Variants in TNR observed in about 807,000 individuals in gnomAD.
TNR encodes the protein tenascin-R.
TNR carries 45 observed loss-of-function variants against 150.4 expected under a neutral mutation model. The observed-to-expected ratio is 0.30, with a 90% confidence interval of 0.24 to 0.38. The LOEUF is 0.38. TNR is among the 10% of genes least tolerant of loss of function. The pLI is 1.00. For missense variants in TNR, 1,544 were observed against 1,759.1 expected (o/e 0.88, Z 2.19); for synonymous variants, 687 against 678.4 (o/e 1.01, Z -0.20).
intron 18 of TNR, among the ~76,000 whole-genome samples, chr1:175,338,443 A>G (rs1364203689): frequency 6.6e-6 from 1 of 152,192 alleles, no homozygotes; most frequent in Non-Finnish European, 1.5e-5. Flanking sequence ...AATGCTGAGC[A>G]GGCAAGCCAA....
intron 2 of TNR, among the ~76,000 whole-genome samples, chr1:175,523,292 A>C (rs1659717952): frequency 6.6e-6 from 1 of 152,264 alleles, no homozygotes. Flanking sequence ...AATGTGAAAA[A>C]TAAAAATAAA....
intron 2 of TNR, among the ~76,000 whole-genome samples, chr1:175,502,957 A>G (rs58455365): frequency 0.013 from 1,947 of 148,390 alleles, 43 homozygotes; most frequent in African/African-American, 0.049. Flanking sequence ...CAATTATCCC[A>G]TAAATATTAG....
intron 1 of TNR, among the ~76,000 whole-genome samples, chr1:175,700,038 G>T (rs1231298962): frequency 6.6e-6 from 1 of 151,900 alleles, no homozygotes; most frequent in East Asian, 1.9e-4. Context: ...TGGGGAGGGA[G>T]TGGGTAAGGC....
chr1:175,436,227 G>A (rs932933941), intron 2 of TNR, among the ~76,000 whole-genome samples: 5 of 152,304 alleles, frequency 3.3e-5, no homozygotes, highest in African/African-American at 1.2e-4. Context: ...ATATCCTGCA[G>A]AGTGTTTTCC....
At chr1:175,641,579 A>G (rs1664661970) in intron 1 of TNR, among the ~76,000 whole-genome samples, 1 of 152,192 alleles carries the variant, frequency 6.6e-6, no homozygotes, top group Admixed American at 6.6e-5. Flanking sequence ...TAGGAGAAGG[A>G]GGCTGCTCCA....
intron 1 of TNR, among the ~76,000 whole-genome samples, chr1:175,579,472 G>T (rs1662262208): frequency 6.6e-6 from 1 of 151,908 alleles, no homozygotes; most frequent in Non-Finnish European, 1.5e-5. Flanking sequence ...GAGGGTCTGA[G>T]AAAGAAAATG....
Position 175,480,443 on chromosome 1 carries a change from G to GAAAGAAAGAAAGAAAGAA in TNR, c.-64+47825_-64+47826insTTCTTTCTTTCTTTCTTT, listed in dbSNP as rs199763120. Among the ~76,000 whole-genome samples the GAAAGAAAGAAAGAAAGAA allele has an allele frequency of 2.5e-3, 234 of 94,708 alleles. 1 individual carries two copies. The highest frequency in any genetic ancestry group is 4.3e-3 in the Non-Finnish European group (195 of 45,704). 62.1% of individuals were successfully genotyped at this position (94,708 alleles called of 152,430 possible). ...AAAAAGAAAGAAAGAAAGAAAGAAAGAGAAAGAAAGAAAGAAAAGAAAAAA... is the reference window on the plus strand; with the variant it reads ...AAAAAGAAAGAAAGAAAGAAAGAAAGAAAGAAAGAAAGAAAGAAAGAAAGAAAGAAAGAAAAGAAAAAA... On this transcript the variant is annotated intron_variant, in intron 2 of 22. Transcript: ENST00000367674.
intron 2 of TNR, among the ~76,000 whole-genome samples, chr1:175,412,208 G>A (rs61530561): frequency 0.015 from 2,243 of 152,286 alleles, 56 homozygotes; most frequent in African/African-American, 0.052. Flanking sequence ...GCTGACCATG[G>A]TCTGTGCTCT....
rs963017845 is a variant in TNR at position 175,589,933 on chromosome 1, A to C, written c.-164-61564T>G. ...AATGGGTGCAGCAAACCACCATGGC[A>C]TGTGTATACCTATGTAACAAATCTG... is the stretch of plus-strand genomic sequence containing the variant. On this transcript the variant is annotated intron_variant, in intron 1 of 22. Coordinates refer to ENST00000367674, the MANE Select transcript of TNR (RefSeq NM_003285.3). Among the ~76,000 whole-genome samples the C allele has an allele frequency of 3.9e-5, 6 of 152,326 alleles. No individual in the cohort carries two copies. The South Asian group carries it at 1.2e-3, about 32-fold the overall frequency.
chr1:175,626,004 C>T (rs186513677), intron 1 of TNR, among the ~76,000 whole-genome samples: 171 of 152,232 alleles, frequency 1.1e-3, no homozygotes, highest in Middle Eastern at 6.8e-3. Context: ...GCCTGTCTTT[C>T]CTGTGCTATT....
chr1:175,416,264 T>C (rs1253643140), intron 2 of TNR, among the ~76,000 whole-genome samples: 1 of 152,072 alleles, frequency 6.6e-6, no homozygotes, highest in Non-Finnish European at 1.5e-5. Flanking sequence ...TAGATGAGGG[T>C]ATGGGAATGA....
At chr1:175,446,500 A>T (rs925101264) in intron 2 of TNR, among the ~76,000 whole-genome samples, 72 of 152,322 alleles carry the variant, frequency 4.7e-4, no homozygotes, top group African/African-American at 1.7e-3. Flanking sequence ...TATCTGATTT[A>T]AAAACCAAAC....
At chr1:175,409,295 C>T (rs1654100424) in intron 2 of TNR, among the ~76,000 whole-genome samples, 1 of 152,168 alleles carries the variant, frequency 6.6e-6, no homozygotes, top group South Asian at 2.1e-4. Flanking sequence ...CACATAACAC[C>T]CCGTAGCACA....
intron 1 of TNR, among the ~76,000 whole-genome samples, chr1:175,636,761 A>G (rs1321817523): frequency 6.6e-6 from 1 of 152,092 alleles, no homozygotes; most frequent in Non-Finnish European, 1.5e-5. Flanking sequence ...GGACACCAAG[A>G]CTCACAAACC....
At chr1:175,690,691 G>A (rs1309998774) in intron 1 of TNR, among the ~76,000 whole-genome samples, 1 of 152,242 alleles carries the variant, frequency 6.6e-6, no homozygotes, top group African/African-American at 2.4e-5. Context: ...GTGATAACAA[G>A]TCACTGGACT....
chr1:175,684,633 A>G (rs1001528886), intron 1 of TNR, among the ~76,000 whole-genome samples: 4 of 152,176 alleles, frequency 2.6e-5, no homozygotes, highest in Admixed American at 2.6e-4. Flanking sequence ...CCACAATCCA[A>G]AGAGACCCAG....
chr1:175,518,148 G>C (rs921440382), intron 2 of TNR, among the ~76,000 whole-genome samples: 1 of 152,198 alleles, frequency 6.6e-6, no homozygotes, highest in African/African-American at 2.4e-5. Flanking sequence ...TCTGTAAGCA[G>C]TTGTGTTTAC....
chr1:175,385,704 C>T (rs988750269), intron 8 of TNR, among the ~76,000 whole-genome samples: 3 of 152,134 alleles, frequency 2.0e-5, no homozygotes, highest in Admixed American at 2.0e-4. Flanking sequence ...TTTGGACTAG[C>T]GATATGGATG....
intron 2 of TNR, among the ~76,000 whole-genome samples, chr1:175,515,042 T>C (rs959308448): frequency 1.3e-5 from 2 of 152,220 alleles, no homozygotes; most frequent in Non-Finnish European, 2.9e-5. Context: ...CCGGGCCAAG[T>C]CTTCACCAAC....
Sources: allele counts gnomAD v4.1 joint callset (sites outside exome capture counted in the v4.1 genomes callset), GRCh38; gene constraint gnomAD v4.1.1; transcripts MANE v1.5; gene names NCBI Gene and HGNC (gene_info 2026-07-23, HGNC 2026-07-21).